The following MTUS1 variants were observed in gnomAD, a reference collection of about 807,000 sequenced individuals.
MTUS1 encodes the protein microtubule-associated tumor suppressor 1.
In MTUS1, 109 loss-of-function variants were observed where a neutral mutation model predicts 120.8. The ratio of observed to expected loss-of-function variants is 0.90; its 90% CI spans 0.77 to 1.06. MTUS1 has a LOEUF of 1.06. MTUS1 is among the 50% of genes least tolerant of loss of function. The pLI is 0.00. For synonymous variants in MTUS1, 737 were observed against 550.5 expected (o/e 1.34, Z -4.74); for missense variants, 2,210 against 1,486.3 (o/e 1.49, Z -8.01).
At chr8:17,655,830 C>G in intron 9 of MTUS1, 33 bp downstream of exon 9, 1 of 1,597,868 alleles carries the variant, frequency 6.3e-7, no homozygotes, top group Non-Finnish European at 8.6e-7. Flanking sequence ...GCAGCAGAGG[C>G]CTCAGACAAG....
intron 9 of MTUS1, chr8:17,654,958 C>T (rs372120862): frequency 1.7e-4 from 58 of 339,252 alleles, no homozygotes; most frequent in East Asian, 1.1e-3. Flanking sequence ...TGAAGAGCAA[C>T]GCAACTGGGA....
chr8:17,787,701 A>C (rs919707611), intron 1 of MTUS1, among the ~76,000 whole-genome samples: 1 of 152,242 alleles, frequency 6.6e-6, no homozygotes, highest in Admixed American at 6.5e-5. Flanking sequence ...GTTAAATAAA[A>C]TTTTTGGAAA....
chr8:17,711,935 T>G (rs1034927536), intron 6 of MTUS1, among the ~76,000 whole-genome samples: 2 of 152,194 alleles, frequency 1.3e-5, no homozygotes, highest in African/African-American at 2.4e-5. Flanking sequence ...AGTGGAGCAC[T>G]TGAAATGCAA....
At chr8:17,795,872 G>T (rs71526157) in intron 1 of MTUS1, among the ~76,000 whole-genome samples, 2 of 152,104 alleles carry the variant, frequency 1.3e-5, no homozygotes, top group South Asian at 2.1e-4. Context: ...CTGACCTCAG[G>T]TGATCCACCT....
intron 1 of MTUS1, among the ~76,000 whole-genome samples, chr8:17,793,100 C>T (rs189712803): frequency 1.1e-4 from 16 of 152,234 alleles, no homozygotes. Flanking sequence ...GAAAACAGCC[C>T]AAGTCCCTAG....
intron 6 of MTUS1, among the ~76,000 whole-genome samples, chr8:17,689,235 A>G (rs1041051032): frequency 4.6e-5 from 7 of 151,950 alleles, no homozygotes; most frequent in Non-Finnish European, 1.0e-4. Flanking sequence ...CAAACAAACA[A>G]AAAACCCCAA....
chr8:17,663,060 G>GA (rs11385603), intron 8 of MTUS1, among the ~76,000 whole-genome samples: 91,864 of 151,246 alleles, frequency 0.61, 29,169 homozygotes, highest in Middle Eastern at 0.81. Context: ...ATCTCAGCAA[G>GA]AAAAAAAAAT....
chr8:17,667,169 GCCAA>G (rs780461440), intron 8 of MTUS1, among the ~76,000 whole-genome samples: 4 of 152,130 alleles, frequency 2.6e-5, no homozygotes, highest in Non-Finnish European at 4.4e-5. Flanking sequence ...TATAAATACA[GCCAA>G]CCAAAGTCCA....
rs771883904 is a variant in MTUS1 at position 17,654,580 on chromosome 8, G to C, written c.3195C>G (p.Ala1065=). 1 of 1,612,044 alleles carries C rather than the reference G, an allele frequency of 6.2e-7. No homozygotes were observed. Among genetic ancestry groups the C allele is most frequent in the Non-Finnish European group, 8.5e-7 (1 of 1,178,182 alleles). The change falls in exon 10 of 15, where the codon GCC becomes GCG. Residue 1065 remains alanine (A), a synonymous_variant. Coordinates refer to ENST00000693296, the MANE Select transcript of MTUS1 (RefSeq NM_001363059.2). ...HSEKLELLKK[A]YEASLSEIKK... is the part of the protein sequence containing the mutation. Reference sequence around the variant, plus strand: ...CCTTGCCTGAAAGGGAGGCTTCATAGGCCTTCTTTAGCAATTCAAGTTTCT... The same window carrying C: ...CCTTGCCTGAAAGGGAGGCTTCATACGCCTTCTTTAGCAATTCAAGTTTCT...
At chr8:17,661,841 T>A (rs1467286714) in intron 8 of MTUS1, among the ~76,000 whole-genome samples, 1 of 152,214 alleles carries the variant, frequency 6.6e-6, no homozygotes, top group Non-Finnish European at 1.5e-5. Flanking sequence ...AGACCTTTGC[T>A]CTGTTTACTG....
At chr8:17,745,820 A>T (rs1031550243) in intron 2 of MTUS1, among the ~76,000 whole-genome samples, 1 of 152,150 alleles carries the variant, frequency 6.6e-6, no homozygotes, top group South Asian at 2.1e-4. Flanking sequence ...GAAGCTAGTG[A>T]TATAATTTGG....
At chr8:17,666,907 C>T (rs2130519168) in intron 8 of MTUS1, among the ~76,000 whole-genome samples, 1 of 152,278 alleles carries the variant, frequency 6.6e-6, no homozygotes, top group Non-Finnish European at 1.5e-5. Context: ...TGGACTTCAT[C>T]CCCAGCCAAC....
upstream of MTUS1, chr8:17,801,486 C>T (rs2052670913): frequency 1.4e-5 from 2 of 140,004 alleles, no homozygotes; most frequent in African/African-American, 6.6e-5. Flanking sequence ...TCCGCTCGGG[C>T]GCTCCCGCTC....
At chr8:17,770,089 C>A (rs2049914025) in intron 1 of MTUS1, among the ~76,000 whole-genome samples, 1 of 152,156 alleles carries the variant, frequency 6.6e-6, no homozygotes, top group African/African-American at 2.4e-5. Context: ...TAACCACAGT[C>A]ATTTGTAATA....
intron 11 of MTUS1, 22 bp from the exon 12 acceptor site, chr8:17,653,303 A>T (rs372433037): frequency 1.7e-5 from 25 of 1,511,480 alleles, no homozygotes; most frequent in Non-Finnish European, 2.2e-5. Flanking sequence ...TGAAATGTGG[A>T]ACTTAAGTTA....
chr8:17,724,342 C>T (rs1269194178), intron 3 of MTUS1, among the ~76,000 whole-genome samples: 2 of 152,142 alleles, frequency 1.3e-5, no homozygotes, highest in Non-Finnish European at 2.9e-5. Flanking sequence ...AAACAGAACT[C>T]ACGTTAACTG....
chr8:17,688,502 G>T (rs1415336940), intron 6 of MTUS1, among the ~76,000 whole-genome samples: 1 of 152,214 alleles, frequency 6.6e-6, no homozygotes, highest in African/African-American at 2.4e-5. Flanking sequence ...CAAAACATAG[G>T]TTATGAACTC....
rs149225094 is a variant in MTUS1, at chr8:17,715,920, G to C, written c.2450-19C>G. ...TTACCAGCTGTAATAAAACAGAAAA[G>C]TACATTTTATTGTATAGATAAACAC... On this transcript the variant is annotated intron_variant, in intron 4 of 14. Transcript: ENST00000693296. The C allele has an allele frequency of 6.2e-7, 1 of 1,603,318 alleles. No homozygotes were observed. The highest frequency in any genetic ancestry group is 8.5e-7 in the Non-Finnish European group (1 of 1,176,504).
chr8:17,656,131 C>T (rs893573270), intron 8 of MTUS1, 66 bp from the exon 9 acceptor site: 8 of 1,402,138 alleles, frequency 5.7e-6, no homozygotes, highest in Admixed American at 1.7e-5. Context: ...ATATTCATTA[C>T]AGTCACACAC....
Sources: gnomAD v4.1 joint callset for allele counts (sites outside exome capture counted in the v4.1 genomes callset) on GRCh38, gnomAD v4.1.1 for gene constraint, MANE v1.5 for transcripts, NCBI Gene and HGNC (gene_info 2026-07-23, HGNC 2026-07-21) for gene names.